Variants in LGR6 observed in about 807,000 individuals in gnomAD.
LGR6 encodes leucine-rich repeat-containing G protein-coupled receptor 6.
Under a neutral mutation model 69.4 loss-of-function variants are expected in LGR6, and 45 were observed. The observed-to-expected ratio is 0.65, with a 90% CI of 0.51 to 0.83. The LOEUF is 0.83. LGR6 is among the 40% of genes least tolerant of loss of function. The pLI is 0.00. For missense variants in LGR6, 1,108 were observed against 1,246.7 expected, an observed-to-expected ratio of 0.89 and a Z score of 1.68; for synonymous variants, 538 against 555.0, an observed-to-expected ratio of 0.97 and a Z score of 0.43.
At chr1:202,219,227 G>A (rs1171703320) in intron 1 of LGR6, among the ~76,000 whole-genome samples, 3 of 152,200 alleles carry the variant, frequency 2.0e-5, no homozygotes, top group Non-Finnish European at 2.9e-5. Flanking sequence ...CCCCACCTTT[G>A]GACTCTCAAC....
intron 6 of LGR6, among the ~76,000 whole-genome samples, chr1:202,287,733 G>C (rs1666495720): frequency 6.6e-6 from 1 of 152,038 alleles, no homozygotes; most frequent in African/African-American, 2.4e-5. Context: ...CCACATCCAA[G>C]CTGTCAGCAA....
intron 1 of LGR6, among the ~76,000 whole-genome samples, chr1:202,201,536 A>G (rs564796403): frequency 6.6e-6 from 1 of 152,314 alleles, no homozygotes; most frequent in South Asian, 2.1e-4. Context: ...ACAACCTGCC[A>G]CTAGTTGCTG....
At position 202,265,377 on chromosome 1, in the gene LGR6, A is replaced by G. The variant is rs530463689; in HGVS notation, c.429-10929A>G. ...GTGAGGGCCTGGTGATGGGTTCCAG[A>G]TGGGGAGAGGCACTGCTGGGATGCA... On this transcript the variant is annotated intron_variant, in intron 4 of 17. Transcript: ENST00000367278. Among the ~76,000 whole-genome samples the G allele has an allele frequency of 1.7e-4, 26 of 152,118 alleles. 1 individual carries two copies. Among genetic ancestry groups the G allele is most frequent in the Non-Finnish European group, 1.2e-4 (8 of 68,012 alleles).
At chr1:202,296,949 T>A (rs1362563280) in intron 6 of LGR6, among the ~76,000 whole-genome samples, 1 of 152,182 alleles carries the variant, frequency 6.6e-6, no homozygotes, top group East Asian at 1.9e-4. Flanking sequence ...AATTTTCTGA[T>A]TATACATGTG....
chr1:202,307,726 C>T (rs896168665), intron 14 of LGR6, among the ~76,000 whole-genome samples: 3 of 152,206 alleles, frequency 2.0e-5, no homozygotes, highest in African/African-American at 7.2e-5. Flanking sequence ...CCTGGAATCC[C>T]TTCACACATA....
At chr1:202,261,910 T>C (rs1664267242) in intron 4 of LGR6, among the ~76,000 whole-genome samples, 1 of 152,246 alleles carries the variant, frequency 6.6e-6, no homozygotes, top group African/African-American at 2.4e-5. Flanking sequence ...TCATATCCTT[T>C]GCCTACTTTT....
At chr1:202,240,895 T>C (rs1662140596) in intron 4 of LGR6, among the ~76,000 whole-genome samples, 2 of 152,224 alleles carry the variant, frequency 1.3e-5, no homozygotes, top group African/African-American at 2.4e-5. Flanking sequence ...AAGGCCAGGC[T>C]AAAGCTCCCC....
intron 4 of LGR6, among the ~76,000 whole-genome samples, chr1:202,266,092 A>G (rs1664622029): frequency 7.2e-6 from 1 of 138,394 alleles, no homozygotes; most frequent in African/African-American, 2.6e-5. Context: ...GCTACCTAAT[A>G]ATACTTTCCA....
At chr1:202,247,418 T>C (rs892393562) in intron 4 of LGR6, among the ~76,000 whole-genome samples, 2 of 152,200 alleles carry the variant, frequency 1.3e-5, no homozygotes, top group Non-Finnish European at 2.9e-5. Flanking sequence ...TCAGCTGAGA[T>C]GGACAGCAAT....
At chr1:202,265,623 A>G (rs973033691) in intron 4 of LGR6, among the ~76,000 whole-genome samples, 1 of 152,202 alleles carries the variant, frequency 6.6e-6, no homozygotes, top group Non-Finnish European at 1.5e-5. Context: ...ACTCAAAACC[A>G]ATGCCTTCTC....
chr1:202,253,423 C>G (rs1311494215), intron 4 of LGR6, among the ~76,000 whole-genome samples: 1 of 151,688 alleles, frequency 6.6e-6, no homozygotes, highest in Admixed American at 6.6e-5. Context: ...CTGCCTCAGC[C>G]TCCCAAGTAG....
At position 202,218,862 on chromosome 1, in the gene LGR6, G is replaced by A. The variant is rs116465353; in HGVS notation, c.213-6561G>A. Among the ~76,000 whole-genome samples, 694 of 152,286 alleles carry A rather than the reference G, an allele frequency of 4.6e-3. 6 individuals are homozygous for A. The highest frequency in any genetic ancestry group is 0.016 in the African/African-American group (660 of 41,554). ...CAGAGCAGTTTGTAAACTACAAAGC[G>A]GAGTACATATATGGAGGTTTGCCGT... On this transcript the variant is annotated intron_variant, in intron 1 of 17. Transcript: ENST00000367278.
At chr1:202,306,502 T>C (rs1728504) in intron 12 of LGR6, among the ~76,000 whole-genome samples, 90,411 of 152,032 alleles carry the variant, frequency 0.59, 27,503 homozygotes, top group East Asian at 0.75. Context: ...TGCTTCCCAG[T>C]TCCGGCCAGT....
chr1:202,256,908 G>C (rs1663822799), intron 4 of LGR6, among the ~76,000 whole-genome samples: 1 of 152,156 alleles, frequency 6.6e-6, no homozygotes, highest in Admixed American at 6.5e-5. Flanking sequence ...AGCCATCCTA[G>C]TGGGTGTGAA....
chr1:202,270,261 A>G (rs1380129247), intron 4 of LGR6, among the ~76,000 whole-genome samples: 1 of 141,924 alleles, frequency 7.0e-6, no homozygotes, highest in African/African-American at 2.6e-5. Context: ...TTTTTTTTTG[A>G]GACAGAGTTT....
intron 1 of LGR6, among the ~76,000 whole-genome samples, chr1:202,221,069 G>A (rs1274857214): frequency 2.0e-5 from 3 of 152,158 alleles, no homozygotes; most frequent in Non-Finnish European, 4.4e-5. Context: ...TGGGGCAGTG[G>A]AAAAGGGGTT....
Position 202,253,282 on chromosome 1 carries a change from CATG to C in LGR6, c.428+17292_428+17294del, listed in dbSNP as rs1663424024. Among the ~76,000 whole-genome samples, 4 of 151,862 alleles carry C rather than the reference CATG, an allele frequency of 2.6e-5. No individual in the cohort carries two copies. The South Asian group carries it at 8.3e-4, about 32-fold the overall frequency. ...CACAATGCCAGGTACATCCTGAGTG[CATG>C]ATAACTGATGGTCCTAATACTCTTT... On this transcript the variant is annotated intron_variant, in intron 4 of 17. Transcript: ENST00000367278.
intron 16 of LGR6, among the ~76,000 whole-genome samples, chr1:202,310,614 C>T (rs1226985950): frequency 6.6e-6 from 1 of 152,042 alleles, no homozygotes; most frequent in East Asian, 1.9e-4. Flanking sequence ...TCTGCCTAGC[C>T]CTTTGCAGTT....
intron 4 of LGR6, among the ~76,000 whole-genome samples, chr1:202,263,796 G>T (rs1049030490): frequency 1.4e-4 from 21 of 152,210 alleles, no homozygotes; most frequent in African/African-American, 5.1e-4. Context: ...AATAAACTAT[G>T]TACTGTGGGA....
Sources: allele counts gnomAD v4.1 joint callset (sites outside exome capture counted in the v4.1 genomes callset), GRCh38; gene constraint gnomAD v4.1.1; transcripts MANE v1.5; gene names NCBI Gene and HGNC (gene_info 2026-07-23, HGNC 2026-07-21).